The following LARS2 variants were observed in gnomAD, a reference collection of about 807,000 sequenced individuals.
LARS2 encodes the protein leucine--tRNA ligase, mitochondrial.
In LARS2, 81 loss-of-function variants were observed where a neutral mutation model predicts 116.6. That is an observed-to-expected ratio of 0.69 (90% confidence interval 0.58 to 0.84). The LOEUF is 0.84. Among genes scored for constraint, LARS2 ranks in the 40% least tolerant of loss-of-function variants. The probability of loss-of-function intolerance (pLI) is 0.00; values close to 1 mark genes in which losing one functional copy is unlikely to be tolerated. For synonymous variants in LARS2, 396 were observed against 407.2 expected (o/e 0.97, Z 0.33); for missense variants, 968 against 1,114.5 (o/e 0.87, Z 1.87).
chr3:45,442,511 T>G (rs1021819204), intron 6 of LARS2, among the ~76,000 whole-genome samples: 2 of 152,242 alleles, frequency 1.3e-5, no homozygotes, highest in Admixed American at 1.3e-4. Context: ...TGGAGGCACA[T>G]TAAATGATTT....
chr3:45,496,918 G>A (rs1198075238), intron 14 of LARS2, among the ~76,000 whole-genome samples: 1 of 152,118 alleles, frequency 6.6e-6, no homozygotes, highest in African/African-American at 2.4e-5. Flanking sequence ...AACGGAAAAA[G>A]AAGGAAATGC....
intron 6 of LARS2, among the ~76,000 whole-genome samples, chr3:45,442,705 A>G (rs1212240898): frequency 2.0e-5 from 3 of 152,192 alleles, no homozygotes; most frequent in African/African-American, 4.8e-5. Context: ...GCTGCAAGTC[A>G]TGCTTAACAG....
intron 11 of LARS2, among the ~76,000 whole-genome samples, chr3:45,486,061 A>G (rs1307317729): frequency 1.3e-5 from 2 of 152,184 alleles, no homozygotes; most frequent in Non-Finnish European, 2.9e-5. Flanking sequence ...GTTTGTTGTT[A>G]AGACTTGTAC....
intron 15 of LARS2, among the ~76,000 whole-genome samples, chr3:45,501,891 G>A (rs941095218): frequency 2.7e-5 from 4 of 149,810 alleles, no homozygotes; most frequent in African/African-American, 7.3e-5. Flanking sequence ...AATGGGTCAC[G>A]TTGTGAGTTA....
chr3:45,481,848 T>C (rs1559482743), intron 10 of LARS2, among the ~76,000 whole-genome samples: 1 of 152,242 alleles, frequency 6.6e-6, no homozygotes, highest in Non-Finnish European at 1.5e-5. Context: ...TTCATTTTGA[T>C]GAAATTAAGT....
intron 6 of LARS2, among the ~76,000 whole-genome samples, chr3:45,422,702 A>G (rs568189738): frequency 1.3e-5 from 2 of 152,298 alleles, no homozygotes; most frequent in East Asian, 1.9e-4. Context: ...TTTAATTACA[A>G]TTGCTTTTAA....
chr3:45,491,576 G>A lies in LARS2; in HGVS notation c.1299G>A (p.Lys433=). 1 of 1,614,216 alleles carries A rather than the reference G, an allele frequency of 6.2e-7. No individual in the cohort carries two copies. The highest frequency in any genetic ancestry group is 1.6e-4 in the Middle Eastern group (1 of 6,062). ...CCCTGACTCAGAAAGCCCGGGGGAA[G>A]AGAGTGGGTGGAGACGTGACAAGTG... The part of the protein sequence containing the change: ...FLALTQKARG[K]RVGGDVTSDK... The change falls in exon 13 of 22, where the codon AAG becomes AAA. Residue 433 remains lysine (K), a synonymous_variant. Coordinates refer to ENST00000645846, the MANE Select transcript of LARS2 (RefSeq NM_015340.4).
chr3:45,515,326 A>G (rs1486897225), intron 16 of LARS2, among the ~76,000 whole-genome samples: 1 of 152,150 alleles, frequency 6.6e-6, no homozygotes, highest in Non-Finnish European at 1.5e-5. Flanking sequence ...CTGCAGTGGC[A>G]AGTCTTGCCC....
chr3:45,502,817 G>T (rs889294655), intron 15 of LARS2, among the ~76,000 whole-genome samples: 1 of 151,922 alleles, frequency 6.6e-6, no homozygotes, highest in African/African-American at 2.4e-5. Context: ...ATTTCTAGAA[G>T]TTCTAGGTTT....
At chr3:45,533,372 G>T (rs1308267025) in intron 20 of LARS2, among the ~76,000 whole-genome samples, 1 of 151,772 alleles carries the variant, frequency 6.6e-6, no homozygotes, top group East Asian at 2.0e-4. Context: ...GGATGGTCTC[G>T]ATCTGACTTC....
At chr3:45,525,262 G>A (rs9867529) in intron 20 of LARS2, among the ~76,000 whole-genome samples, 3,062 of 152,184 alleles carry the variant, frequency 0.02, 90 homozygotes, top group African/African-American at 0.066. Context: ...GTTTTATTTC[G>A]CTTTCATTGT....
chr3:45,472,569 A>G (rs552871833), intron 8 of LARS2, among the ~76,000 whole-genome samples: 19 of 152,336 alleles, frequency 1.2e-4, no homozygotes, highest in African/African-American at 4.1e-4. Context: ...AAATATAAAT[A>G]AGATAATAGA....
intron 6 of LARS2, among the ~76,000 whole-genome samples, chr3:45,430,423 C>CA (rs1698682520): frequency 6.8e-6 from 1 of 147,974 alleles, no homozygotes; most frequent in Non-Finnish European, 1.5e-5. Context: ...GGACTACAGG[C>CA]GCCTGCCACC....
At chr3:45,429,718 T>TTTTTG (rs1272652354) in intron 6 of LARS2, among the ~76,000 whole-genome samples, 2 of 150,198 alleles carry the variant, frequency 1.3e-5, no homozygotes, top group Non-Finnish European at 3.0e-5. Flanking sequence ...TTTTTTTTTT[T>TTTTTG]TGAGATAGGG....
intron 10 of LARS2, among the ~76,000 whole-genome samples, chr3:45,478,648 T>A (rs1255300402): frequency 6.6e-6 from 1 of 152,250 alleles, no homozygotes; most frequent in Non-Finnish European, 1.5e-5. Flanking sequence ...GGCTCATTAG[T>A]TACTTTCTCC....
At chr3:45,472,382 A>G (rs1023109541) in intron 8 of LARS2, among the ~76,000 whole-genome samples, 1 of 152,114 alleles carries the variant, frequency 6.6e-6, no homozygotes, top group Non-Finnish European at 1.5e-5. Context: ...CAAGCGAGTA[A>G]TGAACCAAGA....
At chr3:45,440,146 T>C (rs1303266735) in intron 6 of LARS2, among the ~76,000 whole-genome samples, 2 of 152,202 alleles carry the variant, frequency 1.3e-5, no homozygotes, top group Non-Finnish European at 2.9e-5. Flanking sequence ...AGCTGTGGAC[T>C]GGAAGCTTGA....
chr3:45,547,482 C>T lies in LARS2; in HGVS notation c.2664C>T (p.Ser888=). The change falls in exon 22 of 22, where the codon TCC becomes TCT. Residue 888 remains serine (S), a synonymous_variant. Transcript: ENST00000645846. ...RLLQGRSIKK[S]FLSPRTALIN... The stretch of plus-strand genomic sequence containing the variant: ...TGCAAGGACGAAGCATCAAGAAGTC[C>T]TTCCTTTCCCCGAGAACTGCCCTCA... 6.2e-7 allele frequency: 1 copy of T among 1,612,990 alleles called. No homozygotes were observed.
chr3:45,411,306 C>A (rs1698326832), intron 4 of LARS2, among the ~76,000 whole-genome samples: 1 of 152,208 alleles, frequency 6.6e-6, no homozygotes, highest in Non-Finnish European at 1.5e-5. Flanking sequence ...GGAAAATTGA[C>A]CTGGTTCCCG....
Sources: allele counts gnomAD v4.1 joint callset (sites outside exome capture counted in the v4.1 genomes callset), GRCh38; gene constraint gnomAD v4.1.1; transcripts MANE v1.5; gene names NCBI Gene and HGNC (gene_info 2026-07-23, HGNC 2026-07-21).